The following STT3B variants were observed in gnomAD, a reference collection of about 807,000 sequenced individuals.
STT3B encodes dolichyl-diphosphooligosaccharide--protein glycosyltransferase subunit STT3B.
STT3B carries 29 observed loss-of-function variants against 96.8 expected under a neutral mutation model. The observed-to-expected ratio is 0.30, with a 90% CI of 0.22 to 0.41. The LOEUF is 0.41. STT3B is among the 10% of genes least tolerant of loss of function. The pLI is 1.00. For synonymous variants in STT3B, 367 were observed against 360.0 expected (o/e 1.02, Z -0.22); for missense variants, 640 against 1,022.3 (o/e 0.63, Z 5.10).
chr3:31,602,015 T>C (rs1331441455), intron 5 of STT3B, among the ~76,000 whole-genome samples: 5 of 152,140 alleles, frequency 3.3e-5, no homozygotes, highest in Non-Finnish European at 7.3e-5. Flanking sequence ...TCCCAGCTAC[T>C]CAGGAGGCTG....
intron 2 of STT3B, 77 bp downstream of exon 2, chr3:31,576,581 T>C: frequency 1.2e-6 from 1 of 863,756 alleles, no homozygotes; most frequent in East Asian, 2.9e-5. Context: ...GCCAAGGTGG[T>C]AGGGATTCTT....
intron 3 of STT3B, among the ~76,000 whole-genome samples, chr3:31,580,329 A>G (rs536458210): frequency 2.6e-5 from 4 of 152,304 alleles, no homozygotes; most frequent in South Asian, 4.1e-4. Flanking sequence ...AAGAGCTATC[A>G]TAAAACAATC....
At chr3:31,596,616 C>G (rs557698044) in intron 3 of STT3B, among the ~76,000 whole-genome samples, 182 bp from the exon 4 acceptor site, 1 of 152,298 alleles carries the variant, frequency 6.6e-6, no homozygotes, top group African/African-American at 2.4e-5. Flanking sequence ...TAAAATGTCT[C>G]AGTGTGCTGC....
intron 1 of STT3B, among the ~76,000 whole-genome samples, chr3:31,570,414 A>C (rs1168752025): frequency 6.6e-6 from 1 of 152,170 alleles, no homozygotes; most frequent in Non-Finnish European, 1.5e-5. Flanking sequence ...AGGAGGATGA[A>C]ACATTAGAGA....
intron 1 of STT3B, among the ~76,000 whole-genome samples, chr3:31,566,646 TC>T (rs1698014759): frequency 6.6e-6 from 1 of 152,144 alleles, no homozygotes; most frequent in Admixed American, 6.5e-5. Flanking sequence ...GTTACCCCCA[TC>T]CTTAAAGACT....
rs1195189313 is a variant in STT3B, at chr3:31,617,993, G to A, written c.1172+5G>A. ...TTATTCATTGTGGGATACTGGGTAA[G>A]TACAGTTACATTATTTGGCATCATA... On this transcript the variant is annotated splice_donor_5th_base_variant and intron_variant, in intron 8 of 15. Coordinates refer to ENST00000295770, the MANE Select transcript of STT3B (RefSeq NM_178862.3). The A allele has an allele frequency of 5.7e-6, 9 of 1,577,446 alleles. No homozygotes were observed. The highest frequency in any genetic ancestry group is 6.1e-6 in the Non-Finnish European group (7 of 1,147,338).
intron 3 of STT3B, among the ~76,000 whole-genome samples, chr3:31,593,465 A>AT (rs1698713283): frequency 6.6e-6 from 1 of 151,772 alleles, no homozygotes; most frequent in Non-Finnish European, 1.5e-5. Context: ...CTTGGGTTTC[A>AT]TGGATCTGTA....
chr3:31,616,178 G>A (rs946273353), intron 6 of STT3B, among the ~76,000 whole-genome samples: 2 of 151,808 alleles, frequency 1.3e-5, no homozygotes, highest in African/African-American at 4.8e-5. Context: ...AGAGAAGTAC[G>A]ATCTAATGGC....
intron 1 of STT3B, among the ~76,000 whole-genome samples, chr3:31,541,872 G>A (rs1022612334): frequency 3.9e-5 from 6 of 152,148 alleles, no homozygotes; most frequent in African/African-American, 1.2e-4. Context: ...CACCACGCCC[G>A]GCATTTCAGC....
chr3:31,626,190 A>C, intron 13 of STT3B, 63 bp downstream of exon 13: 48 of 1,401,684 alleles, frequency 3.4e-5, no homozygotes, highest in Non-Finnish European at 4.6e-5. Context: ...TAATTCTCTC[A>C]TCTTGCTAAT....
chr3:31,568,761 A>G (rs1698070110), intron 1 of STT3B, among the ~76,000 whole-genome samples: 1 of 152,202 alleles, frequency 6.6e-6, no homozygotes, highest in Admixed American at 6.5e-5. Context: ...TAGGTGTTTC[A>G]ATATAAGATG....
At position 31,636,981 on chromosome 3, in the gene STT3B, C is replaced by G. The variant is rs1212097913; in HGVS notation, c.*917C>G. 1 of 152,128 alleles carries G rather than the reference C, an allele frequency of 6.6e-6. No individual in the cohort carries two copies. The highest frequency in any genetic ancestry group is 2.4e-5 in the African/African-American group (1 of 41,434). The allele number at this position is 152,128 out of a possible 1,614,324, so 9.4% of individuals were successfully genotyped here. ...GACAAAAGACTTGTAACAACTTTGCCTGGACTTTTTTCATTTTACAACAGT... is the reference window on the plus strand; with the variant it reads ...GACAAAAGACTTGTAACAACTTTGCGTGGACTTTTTTCATTTTACAACAGT... On this transcript the variant is annotated 3_prime_UTR_variant, in exon 16 of 16. Transcript: ENST00000295770.
chr3:31,544,949 G>T (rs1477418673), intron 1 of STT3B, among the ~76,000 whole-genome samples: 1 of 152,022 alleles, frequency 6.6e-6, no homozygotes, highest in East Asian at 1.9e-4. Context: ...GGAGCGGGGG[G>T]GGAACATTGC....
intron 2 of STT3B, among the ~76,000 whole-genome samples, chr3:31,579,344 C>G (rs1698329732): frequency 6.6e-6 from 1 of 151,552 alleles, no homozygotes; most frequent in Non-Finnish European, 1.5e-5. Context: ...ATAAATATGA[C>G]TTAAATAATT....
At chr3:31,575,498 G>A (rs758209007) in intron 1 of STT3B, among the ~76,000 whole-genome samples, 1 of 151,614 alleles carries the variant, frequency 6.6e-6, no homozygotes, top group Non-Finnish European at 1.5e-5. Flanking sequence ...TTTTAGTATT[G>A]GAAAAGACTG....
At chr3:31,586,786 G>C (rs1282320176) in intron 3 of STT3B, among the ~76,000 whole-genome samples, 1 of 152,036 alleles carries the variant, frequency 6.6e-6, no homozygotes, top group Non-Finnish European at 1.5e-5. Flanking sequence ...AGAAACTCTT[G>C]AAATCAGGTA....
chr3:31,608,257 A>G (rs529620836), intron 5 of STT3B, among the ~76,000 whole-genome samples: 3 of 152,310 alleles, frequency 2.0e-5, no homozygotes, highest in South Asian at 2.1e-4. Context: ...TAGAAGTTTC[A>G]GTGTTGATTA....
intron 5 of STT3B, among the ~76,000 whole-genome samples, chr3:31,610,674 G>A (rs966036062): frequency 6.6e-6 from 1 of 152,084 alleles, no homozygotes; most frequent in African/African-American, 2.4e-5. Flanking sequence ...CCCACCCTTG[G>A]ATATAAAATA....
chr3:31,537,022 A>G (rs1697118224), intron 1 of STT3B, among the ~76,000 whole-genome samples: 1 of 152,194 alleles, frequency 6.6e-6, no homozygotes, highest in Admixed American at 6.5e-5. Flanking sequence ...CTGCCTTAGC[A>G]GGTTATAAAG....
Sources: gnomAD v4.1 joint callset for allele counts (sites outside exome capture counted in the v4.1 genomes callset) on GRCh38, gnomAD v4.1.1 for gene constraint, MANE v1.5 for transcripts, NCBI Gene and HGNC (gene_info 2026-07-23, HGNC 2026-07-21) for gene names.